Variants in AK5 observed in about 807,000 individuals in gnomAD.
AK5 encodes adenylate kinase isoenzyme 5.
In AK5, 27 loss-of-function variants were observed where a neutral mutation model predicts 69.5. That is an observed-to-expected ratio of 0.39 (90% confidence interval 0.29 to 0.54). AK5 has a LOEUF of 0.54. Ranked by LOEUF, AK5 falls within the 20% of genes least tolerant of loss-of-function variation. AK5 has a pLI of 0.71. For missense variants in AK5, 531 were observed against 700.4 expected, an observed-to-expected ratio of 0.76 and a Z score of 2.73; for synonymous variants, 260 against 244.4, an observed-to-expected ratio of 1.06 and a Z score of -0.60.
At position 77,396,939 on chromosome 1, in the gene AK5, G is replaced by A. The variant is rs143484519; in HGVS notation, c.892-14042G>A. 5.9e-5 allele frequency among the ~76,000 whole-genome samples: 9 copies of A among 152,310 alleles called. No individual in the cohort carries two copies. In the East Asian group the frequency reaches 1.7e-3, roughly 29 times the overall value. On this transcript the variant is annotated intron_variant, in intron 6 of 13. Transcript: ENST00000354567. ...GTAAATGCTTAATAAATGGTAACTC[G>A]TGCCATGCACATGAGCCCACCTGTC...
chr1:77,457,597 G>A (rs1346407702), intron 8 of AK5, among the ~76,000 whole-genome samples: 1 of 152,010 alleles, frequency 6.6e-6, no homozygotes, highest in Non-Finnish European at 1.5e-5. Flanking sequence ...TTAGTTTTGT[G>A]GGTGTAATAT....
At chr1:77,402,305 A>G (rs1335885080) in intron 6 of AK5, among the ~76,000 whole-genome samples, 1 of 151,852 alleles carries the variant, frequency 6.6e-6, no homozygotes, top group Non-Finnish European at 1.5e-5. Flanking sequence ...TATTATTATT[A>G]TTATTGTACT....
At chr1:77,298,464 ATATC>A (rs1659137986) in intron 5 of AK5, among the ~76,000 whole-genome samples, 1 of 151,982 alleles carries the variant, frequency 6.6e-6, no homozygotes, top group African/African-American at 2.4e-5. Flanking sequence ...AATATTTTAT[ATATC>A]TATTTAAGCT....
intron 6 of AK5, among the ~76,000 whole-genome samples, chr1:77,357,535 T>C (rs74090479): frequency 0.012 from 1,834 of 152,322 alleles, 44 homozygotes; most frequent in African/African-American, 0.042. Flanking sequence ...CTTACATTCA[T>C]TGAGCACTTC....
intron 10 of AK5, among the ~76,000 whole-genome samples, chr1:77,503,283 G>A (rs961306334): frequency 2.6e-5 from 4 of 152,146 alleles, no homozygotes; most frequent in Admixed American, 6.5e-5. Context: ...AAGAAGATAC[G>A]GGAATGTACA....
chr1:77,358,055 G>A (rs77104070), intron 6 of AK5, among the ~76,000 whole-genome samples: 6,349 of 151,266 alleles, frequency 0.042, 197 homozygotes, highest in South Asian at 0.089. Flanking sequence ...GAGATCAAGC[G>A]TGTGCTCATC....
chr1:77,286,134 A>G (rs1462461750), intron 1 of AK5, among the ~76,000 whole-genome samples: 3 of 152,182 alleles, frequency 2.0e-5, no homozygotes, highest in African/African-American at 7.2e-5. Context: ...AACAAAGTTT[A>G]TTGGGCACTT....
intron 13 of AK5, among the ~76,000 whole-genome samples, chr1:77,538,849 G>A (rs1659125627): frequency 6.6e-6 from 1 of 152,142 alleles, no homozygotes; most frequent in Admixed American, 6.5e-5. Flanking sequence ...TGAGTTCTCA[G>A]ACAAATCTGA....
At chr1:77,424,289 T>C (rs982326466) in intron 8 of AK5, among the ~76,000 whole-genome samples, 2 of 152,132 alleles carry the variant, frequency 1.3e-5, no homozygotes, top group Non-Finnish European at 2.9e-5. Flanking sequence ...GAGACAGACT[T>C]TTGCTGTGTT....
intron 13 of AK5, among the ~76,000 whole-genome samples, chr1:77,537,473 A>G (rs1033686692): frequency 2.6e-5 from 4 of 152,180 alleles, no homozygotes; most frequent in African/African-American, 9.6e-5. Flanking sequence ...CATCATCCTT[A>G]TGGGGAATGG....
chr1:77,527,551 A>C (rs913893433), intron 12 of AK5, among the ~76,000 whole-genome samples: 5 of 152,204 alleles, frequency 3.3e-5, no homozygotes, highest in Non-Finnish European at 5.9e-5. Context: ...CAAACAACAC[A>C]CAGGTAACAC....
chr1:77,321,084 A>T (rs182518357), intron 5 of AK5, among the ~76,000 whole-genome samples: 1 of 152,344 alleles, frequency 6.6e-6, no homozygotes, highest in Admixed American at 6.5e-5. Flanking sequence ...AACAATAGAC[A>T]TGTCTAGAAC....
At chr1:77,342,391 G>A (rs1488502204) in intron 6 of AK5, among the ~76,000 whole-genome samples, 7 of 152,270 alleles carry the variant, frequency 4.6e-5, no homozygotes, top group African/African-American at 7.2e-5. Flanking sequence ...AAATGAATGC[G>A]GAGTGGATAT....
At chr1:77,292,629 G>A (rs1658753696) in intron 2 of AK5, among the ~76,000 whole-genome samples, 1 of 152,120 alleles carries the variant, frequency 6.6e-6, no homozygotes, top group African/African-American at 2.4e-5. Flanking sequence ...TCGACAACAG[G>A]TTGAGACCAT....
intron 5 of AK5, among the ~76,000 whole-genome samples, chr1:77,312,399 G>C (rs560131482): frequency 6.6e-6 from 1 of 152,102 alleles, no homozygotes; most frequent in Non-Finnish European, 1.5e-5. Flanking sequence ...TGGATGACTT[G>C]AGGTCAGGAG....
intron 3 of AK5, among the ~76,000 whole-genome samples, chr1:77,295,626 A>G (rs1658954541): frequency 1.3e-5 from 2 of 152,084 alleles, no homozygotes. Flanking sequence ...ATCGGGAAGT[A>G]TCTCATCATT....
At chr1:77,427,252 C>T (rs1225576429) in intron 8 of AK5, among the ~76,000 whole-genome samples, 1 of 152,036 alleles carries the variant, frequency 6.6e-6, no homozygotes, top group Non-Finnish European at 1.5e-5. Flanking sequence ...CAATGAGCCT[C>T]TAGCCAGGCT....
intron 9 of AK5, among the ~76,000 whole-genome samples, chr1:77,485,276 T>C (rs1347200450): frequency 6.6e-6 from 1 of 152,250 alleles, no homozygotes; most frequent in African/African-American, 2.4e-5. Flanking sequence ...TTCTATCCTC[T>C]GTTTCCAGCT....
chr1:77,502,809 C>G (rs1235715159), intron 10 of AK5, among the ~76,000 whole-genome samples: 1 of 152,172 alleles, frequency 6.6e-6, no homozygotes, highest in Non-Finnish European at 1.5e-5. Flanking sequence ...AGAAGCTGCA[C>G]CCCTGCTTTT....
Sources: gnomAD v4.1 joint callset for allele counts (sites outside exome capture counted in the v4.1 genomes callset) on GRCh38, gnomAD v4.1.1 for gene constraint, MANE v1.5 for transcripts, NCBI Gene and HGNC (gene_info 2026-07-23, HGNC 2026-07-21) for gene names.